The following RTP5 variants were observed in gnomAD, a reference collection of about 807,000 sequenced individuals.
RTP5 encodes receptor transporter protein 5 (putative).
RTP5 carries 30 observed loss-of-function variants against 23.5 expected under a neutral mutation model. The observed-to-expected ratio is 1.27, with a 90% confidence interval of 0.95 to 1.73. The LOEUF is 1.73. RTP5 is among the 40% of genes most tolerant of loss of function. The probability of loss-of-function intolerance (pLI) is 0.00; values close to 1 mark genes in which losing one functional copy is unlikely to be tolerated. For missense variants in RTP5, 807 were observed against 784.2 expected (o/e 1.03, Z -0.35); for synonymous variants, 354 against 342.1 (o/e 1.03, Z -0.38).
In RTP5 at chr2:241,872,725, G is replaced by A; in HGVS notation, c.1170G>A (p.Lys390=). ...CTGAGGTGGCTGAAGGCAACGGGAA[G>A]GAAGGAGGCGGCCAGGGCCTCGTCC... is the stretch of plus-strand genomic sequence containing the variant. ...AVAEVAEGNG[K]EGGGQGLVPV... Residue 390 remains lysine, a synonymous_variant, in exon 2 of 2, where the codon AAG becomes AAA. Coordinates refer to ENST00000343216, the MANE Select transcript of RTP5 (RefSeq NM_173821.3). The A allele has an allele frequency of 1.9e-6, 3 of 1,596,924 alleles. No individual in the cohort carries two copies. The highest frequency in any genetic ancestry group is 2.6e-6 in the Non-Finnish European group (3 of 1,171,276).
Position 241,872,611 on chromosome 2 carries a change from C to T in RTP5, c.1056C>T (p.Thr352=), listed in dbSNP as rs1262533980. The change falls in exon 2 of 2, where the codon ACC becomes ACT. Residue 352 remains threonine (T), a synonymous_variant. Coordinates refer to ENST00000343216, the MANE Select transcript of RTP5 (RefSeq NM_173821.3). The part of the protein sequence containing the change: ...PSSLTSIFTN[T]LSEPTDGPVA... ...CCCTCACCAGCATCTTCACCAACAC[C>T]CTCTCGGAGCCCACCGATGGCCCTG... 1 of 1,541,374 alleles carries T rather than the reference C, an allele frequency of 6.5e-7. No homozygotes were observed. Among genetic ancestry groups the T allele is most frequent in the Admixed American group, 2.1e-5 (1 of 48,586 alleles).
At chr2:241,870,013 C>G in intron 1 of RTP5, 99 bp downstream of exon 1, 1 of 1,222,598 alleles carries the variant, frequency 8.2e-7, no homozygotes, top group Non-Finnish European at 1.1e-6. Context: ...GGCTGTTGGG[C>G]CTCGTCTTGT....
chr2:241,872,504 C>G lies in RTP5; in HGVS notation c.949C>G (p.Pro317Ala). The G allele has an allele frequency of 6.3e-7, 1 of 1,589,360 alleles. No individual in the cohort carries two copies. The highest frequency in any genetic ancestry group is 8.6e-7 in the Non-Finnish European group (1 of 1,167,462). Residue 317 changes from proline (P) to alanine (A), a missense_variant, in exon 2 of 2, where the codon CCT becomes GCT. Physicochemically the swap from Pro to Ala is conservative, Grantham distance 27. Coordinates refer to ENST00000343216, the MANE Select transcript of RTP5 (RefSeq NM_173821.3). Reference protein sequence around the residue: ...GPISLNNGLVPVGKHTPTVFY... With the variant: ...GPISLNNGLVAVGKHTPTVFY... Reference sequence around the variant, plus strand: ...CATCTCCCTCAACAATGGCCTCGTCCCTGTGGGGAAACACACGCCAACCGT... The same window carrying G: ...CATCTCCCTCAACAATGGCCTCGTCGCTGTGGGGAAACACACGCCAACCGT...
At chr2:241,870,828 T>C (rs1701303905) in intron 1 of RTP5, among the ~76,000 whole-genome samples, 1 of 152,158 alleles carries the variant, frequency 6.6e-6, no homozygotes, top group South Asian at 2.1e-4. Context: ...CTCAGTCCCA[T>C]TTAAATAAAG....
rs377702757 is a variant in RTP5, at chr2:241,869,880, G to A, written c.124G>A (p.Gly42Ser). The A allele has an allele frequency of 5.7e-6, 9 of 1,581,870 alleles. No homozygotes were observed. The highest frequency in any genetic ancestry group is 3.6e-5 in the Admixed American group (2 of 55,552). The change falls in exon 1 of 2, where the codon GGT (glycine) becomes AGT (serine). Residue 42 changes from glycine to serine, a missense_variant. By Grantham distance (56) the Gly-to-Ser change is moderately conservative. Transcript: ENST00000343216. Reference sequence around the variant, plus strand: ...CCTGGTCCCGGGATGCCTGGACGGCGGTGGTGTCCAGTACCTGCTGGTGGG... The same window carrying A: ...CCTGGTCCCGGGATGCCTGGACGGCAGTGGTGTCCAGTACCTGCTGGTGGG... ...HSLVPGCLDG[G>S]GVQYLLVGLS...
rs1351444029 is a variant in RTP5 at position 241,872,742 on chromosome 2, G to A, written c.1187G>A (p.Gly396Asp). The A allele has an allele frequency of 1.9e-6, 3 of 1,596,668 alleles. No individual in the cohort carries two copies. Among genetic ancestry groups the A allele is most frequent in the Non-Finnish European group, 2.6e-6 (3 of 1,170,386 alleles). The part of the protein sequence containing the change: ...EGNGKEGGGQ[G>D]LVPVGHDALP... ...AACGGGAAGGAAGGAGGCGGCCAGGGCCTCGTCCCAGTGGGTCACGACGCC... is the reference window on the plus strand; with the variant it reads ...AACGGGAAGGAAGGAGGCGGCCAGGACCTCGTCCCAGTGGGTCACGACGCC... Residue 396 changes from glycine (G) to aspartate (D), a missense_variant, in exon 2 of 2, where the codon GGC becomes GAC. By Grantham distance (94) the Gly-to-Asp change is moderately conservative. Coordinates refer to ENST00000343216, the MANE Select transcript of RTP5 (RefSeq NM_173821.3).
rs1194502752 is a variant in RTP5, at chr2:241,872,538, G to C, written c.983G>C (p.Cys328Ser). 2 of 1,566,582 alleles carry C rather than the reference G, an allele frequency of 1.3e-6. No homozygotes were observed. Among genetic ancestry groups the C allele is most frequent in the Admixed American group, 3.8e-5 (2 of 52,152 alleles). Residue 328 changes from cysteine to serine, a missense_variant, in exon 2 of 2, where the codon TGT becomes TCT. Cys to Ser is a moderately radical substitution (Grantham distance 112). Transcript: ENST00000343216. ...AAACACACGCCAACCGTGTTCTACT[G>C]TGTGGGCCTCTCGGCCAGCGGGGAG... ...VGKHTPTVFY[C>S]VGLSASGEGS...
In RTP5 at chr2:241,871,927, C is replaced by A. The variant is rs747535289; in HGVS notation, c.372C>A (p.Asp124Glu). The change falls in exon 2 of 2, where the codon GAC (aspartate) becomes GAA (glutamate). Residue 124 changes from aspartate (D) to glutamate (E), a missense_variant. Physicochemically the swap from Asp to Glu is conservative, Grantham distance 45 (BLOSUM62 2). Coordinates refer to ENST00000343216, the MANE Select transcript of RTP5 (RefSeq NM_173821.3). ...LSRLVLHILQ[D>E]CYGDGPGPAR... ...GGCTGGTCTTGCACATCCTGCAGGA[C>A]TGCTACGGGGATGGCCCCGGCCCAG... is the stretch of plus-strand genomic sequence containing the variant. 1 of 1,586,664 alleles carries A rather than the reference C, an allele frequency of 6.3e-7. No individual in the cohort carries two copies. The highest frequency in any genetic ancestry group is 8.6e-7 in the Non-Finnish European group (1 of 1,166,716).
intron 1 of RTP5, 142 bp from the exon 2 acceptor site, chr2:241,871,565 GTGAGGTT>G: frequency 1.8e-6 from 2 of 1,135,968 alleles, no homozygotes; most frequent in Non-Finnish European, 2.4e-6. Flanking sequence ...TGGCTGGGGG[GTGAGGTT>G]TGAGGTTTGA....
At position 241,873,680 on chromosome 2, in the gene RTP5, C is replaced by T. The variant is rs1380891679; in HGVS notation, c.*406C>T. 31 of 229,144 alleles carry T rather than the reference C, an allele frequency of 1.4e-4. No individual in the cohort carries two copies. The highest frequency in any genetic ancestry group is 2.0e-4 in the Non-Finnish European group (23 of 117,288). The allele number at this position is 229,144 out of a possible 1,614,324, so 14.2% of individuals were successfully genotyped here. On this transcript the variant is annotated 3_prime_UTR_variant, in exon 2 of 2. Transcript: ENST00000343216. ...ACCCCGCCCCCCGCCTCCGAGACCC[C>T]GCCTCACCTCTGAGACCCCGCCCCC...
rs200572723 is a variant in RTP5, at chr2:241,872,606, A to G, written c.1051A>G (p.Asn351Asp). 6.0e-4 allele frequency: 925 copies of G among 1,540,250 alleles called. 1 individual carries two copies. The highest frequency in any genetic ancestry group is 7.3e-4 in the Non-Finnish European group (837 of 1,145,000). The change falls in exon 2 of 2, where the codon AAC (asparagine) becomes GAC (aspartate). Residue 351 changes from asparagine to aspartate, a missense_variant. Physicochemically the swap from Asn to Asp is conservative, Grantham distance 23. Transcript: ENST00000343216. ...CTCCTCCCTCACCAGCATCTTCACC[A>G]ACACCCTCTCGGAGCCCACCGATGG... ...FPSSLTSIFTNTLSEPTDGPV... is the reference protein window; with the variant it reads ...FPSSLTSIFTDTLSEPTDGPV...
Position 241,872,675 on chromosome 2 carries a change from T to G in RTP5, c.1120T>G (p.Phe374Val), listed in dbSNP as rs1701349374. ...KEASITFPFI[F>V]TDVKDAVAEV... ...GGCCTCCATCACCTTCCCCTTCATC[T>G]TTACTGATGTCAAGGATGCCGTTGC... Residue 374 changes from phenylalanine to valine, a missense_variant, in exon 2 of 2, where the codon TTT (phenylalanine) becomes GTT (valine). Coordinates refer to ENST00000343216, the MANE Select transcript of RTP5 (RefSeq NM_173821.3). 6.2e-7 allele frequency: 1 copy of G among 1,600,410 alleles called. No individual in the cohort carries two copies. Among genetic ancestry groups the G allele is most frequent in the African/African-American group, 1.3e-5 (1 of 74,392 alleles).
rs1213924001 is a variant in RTP5 at position 241,872,867 on chromosome 2, A to G, written c.1312A>G (p.Ile438Val). Residue 438 changes from isoleucine (I) to valine (V), a missense_variant, in exon 2 of 2, where the codon ATC becomes GTC. Ile to Val is a conservative substitution (Grantham distance 29). Transcript: ENST00000343216. ...CCAAGGCAAAGATGCCTTTACTGAC[A>G]TCACTGAAGGCAAAGAGAAGGAAGG... ...DVQGKDAFTDITEGKEKEGGL... is the reference protein window; with the variant it reads ...DVQGKDAFTDVTEGKEKEGGL... The G allele has an allele frequency of 5.0e-6, 8 of 1,612,618 alleles. No homozygotes were observed. Among genetic ancestry groups the G allele is most frequent in the Non-Finnish European group, 6.8e-6 (8 of 1,179,984 alleles).
chr2:241,870,458 G>A (rs544504922), intron 1 of RTP5, among the ~76,000 whole-genome samples: 99 of 152,386 alleles, frequency 6.5e-4, no homozygotes, highest in African/African-American at 1.9e-3. Context: ...CAGCTCGGCC[G>A]GGTGCCAGCT....
In RTP5 at chr2:241,873,040, G is replaced by A; in HGVS notation, c.1485G>A (p.Gln495=). The A allele has an allele frequency of 6.2e-7, 1 of 1,613,100 alleles. No individual in the cohort carries two copies. Among genetic ancestry groups the A allele is most frequent in the Non-Finnish European group, 8.5e-7 (1 of 1,179,904 alleles). ...GTGGCCACGTTGCCTACGGCCCCCA[G>A]GGCAATGGCTGCTTCTCCCAAGGCT... ...KGGGHVAYGP[Q]GNGCFSQGYY... is the part of the protein sequence containing the mutation. Residue 495 remains glutamine (Q), a synonymous_variant, in exon 2 of 2, where the codon CAG becomes CAA. Coordinates refer to ENST00000343216, the MANE Select transcript of RTP5 (RefSeq NM_173821.3).
rs750996086 is a variant in RTP5, at chr2:241,872,229, CT to C, written c.675del (p.Ala226ArgfsTer7). The C allele has an allele frequency of 1.7e-5, 27 of 1,608,006 alleles. No homozygotes were observed. In the South Asian group the frequency reaches 1.9e-4, roughly 11 times the overall value. On this transcript the variant is annotated frameshift_variant, in exon 2 of 2. Transcript: ENST00000343216. LOFTEE classifies it high-confidence loss of function. ...CCCATCGCTGAGGGCCCTGCCCCCC[CT>C]GCGGGGGCCTCTCTCCCTGTGACTG... ...QVPIAEGPAPPAGASLPVTGS... is the reference protein window; with the variant it reads ...QVPIAEGPAPXAGASLPVTGS...
chr2:241,873,238 T>A lies in RTP5; in HGVS notation c.1683T>A (p.Cys561Ter). The change falls in exon 2 of 2, where the codon TGT (cysteine) becomes TGA (stop). Residue 561 changes from cysteine (C) to a stop codon, truncating the protein, a stop_gained. Transcript: ENST00000343216. LOFTEE classifies it high-confidence loss of function. ...TVCVFWLMCM[C>*]RLNPGIYPQQ... ...GCGTCTTCTGGCTGATGTGCATGTG[T>A]CGGCTGAACCCCGGGATCTACCCGC... 7.5e-6 allele frequency: 12 copies of A among 1,597,632 alleles called. No individual in the cohort carries two copies. The East Asian group carries it at 2.0e-4, about 27-fold the overall frequency.
Position 241,873,413 on chromosome 2 carries a change from C to G in RTP5, c.*139C>G. The G allele has an allele frequency of 1.1e-6, 1 of 896,422 alleles. No individual in the cohort carries two copies. Among genetic ancestry groups the G allele is most frequent in the Non-Finnish European group, 1.6e-6 (1 of 627,988 alleles). The allele number at this position is 896,422 out of a possible 1,614,324, so 55.5% of individuals were successfully genotyped here. On this transcript the variant is annotated 3_prime_UTR_variant, in exon 2 of 2. Coordinates refer to ENST00000343216, the MANE Select transcript of RTP5 (RefSeq NM_173821.3). ...GAGACCCCTTTCTCTGAGACCCCCG[C>G]CTCTGAGGCCCCGCCCCCCGCCTCC...
rs199765855 is a variant in RTP5, at chr2:241,872,218, C to T, written c.663C>T (p.Gly221=). Residue 221 remains glycine (G), a synonymous_variant, in exon 2 of 2, where the codon GGC becomes GGT. Coordinates refer to ENST00000343216, the MANE Select transcript of RTP5 (RefSeq NM_173821.3). ...ATGACCAGGTGCCCATCGCTGAGGGCCCTGCCCCCCCTGCGGGGGCCTCTC... is the reference window on the plus strand; with the variant it reads ...ATGACCAGGTGCCCATCGCTGAGGGTCCTGCCCCCCCTGCGGGGGCCTCTC... ...TSNDQVPIAE[G]PAPPAGASLP... is the part of the protein sequence containing the mutation. 8.5e-5 allele frequency: 136 copies of T among 1,609,134 alleles called. No individual in the cohort carries two copies. The highest frequency in any genetic ancestry group is 1.1e-4 in the Non-Finnish European group (128 of 1,177,378).
Sources: gnomAD v4.1 joint callset for allele counts (sites outside exome capture counted in the v4.1 genomes callset) on GRCh38, gnomAD v4.1.1 for gene constraint, MANE v1.5 for transcripts, NCBI Gene and HGNC (gene_info 2026-07-23, HGNC 2026-07-21) for gene names.